SLIT1: variants seen among roughly 807,000 people sequenced by gnomAD.
SLIT1 encodes slit homolog 1 protein.
In SLIT1, 66 loss-of-function variants were observed where a neutral mutation model predicts 186.1. The ratio of observed to expected loss-of-function variants is 0.35; its 90% CI spans 0.29 to 0.44. The LOEUF is 0.44. SLIT1 is among the 20% of genes least tolerant of loss of function. The probability of loss-of-function intolerance (pLI) is 1.00; values close to 1 mark genes in which losing one functional copy is unlikely to be tolerated. For missense variants in SLIT1, 1,638 were observed against 2,037.4 expected (o/e 0.80, Z 3.77); for synonymous variants, 761 against 833.8 (o/e 0.91, Z 1.50).
intron 1 of SLIT1, among the ~76,000 whole-genome samples, chr10:97,180,941 C>G (rs1301657220): frequency 6.6e-6 from 1 of 152,184 alleles, no homozygotes; most frequent in African/African-American, 2.4e-5. Context: ...AGTGAGTGCA[C>G]AGGCCCTTTG....
intron 4 of SLIT1, among the ~76,000 whole-genome samples, chr10:97,097,807 G>A (rs1322508980): frequency 6.6e-6 from 1 of 152,092 alleles, no homozygotes; most frequent in Non-Finnish European, 1.5e-5. Flanking sequence ...ACTATTCCAG[G>A]AAGGCCTTCC....
chr10:97,002,090 AGAGTC>A, intron 36 of SLIT1, 63 bp downstream of exon 36: 4 of 1,030,560 alleles, frequency 3.9e-6, no homozygotes, highest in Non-Finnish European at 5.5e-6. Context: ...ACTGGGAGGA[AGAGTC>A]AAATTGCTAA....
At position 97,006,446 on chromosome 10, in the gene SLIT1, C is replaced by G; in HGVS notation, c.3579+37G>C. 1 of 1,504,742 alleles carries G rather than the reference C, an allele frequency of 6.6e-7. No individual in the cohort carries two copies. Among genetic ancestry groups the G allele is most frequent in the Non-Finnish European group, 9.2e-7 (1 of 1,082,180 alleles). 93.2% of individuals were successfully genotyped at this position (1,504,742 alleles called of 1,614,324 possible). A position where few individuals can be genotyped will look rare whatever the true frequency, so the allele number is the denominator to read the frequency against. Reference sequence around the variant, plus strand: ...GGCCTAAGCCAGGGTCGCCTGCTCCCTGACTCCCCTCTGTGACCAAGCCCC... The same window carrying G: ...GGCCTAAGCCAGGGTCGCCTGCTCCGTGACTCCCCTCTGTGACCAAGCCCC... On this transcript the variant is annotated intron_variant, in intron 32 of 36. Transcript: ENST00000266058. The surrounding 1 kb of genome is among the most constrained non-coding windows in gnomAD (Gnocchi z 4.0).
chr10:97,026,849 C>T (rs1328776958), intron 25 of SLIT1, among the ~76,000 whole-genome samples: 3 of 151,722 alleles, frequency 2.0e-5, no homozygotes, highest in African/African-American at 7.2e-5. Flanking sequence ...CATGTGTGAA[C>T]CATGTGAGAC....
rs751115270 is a variant in SLIT1 at position 97,047,962 on chromosome 10, C to G, written c.1489+11G>C. ...CCGCCAGGCTGGCCTTGGATCCCCC[C>G]ACTCTCCTACCTGGAATGAAGTACT... On this transcript the variant is annotated intron_variant, in intron 15 of 36. Transcript: ENST00000266058. 4.3e-6 allele frequency: 7 copies of G among 1,614,154 alleles called. No individual in the cohort carries two copies. Among genetic ancestry groups the G allele is most frequent in the East Asian group, 4.5e-5 (2 of 44,886 alleles).
Position 97,118,103 on chromosome 10 carries a change from G to A in SLIT1, c.413+39715C>T, listed in dbSNP as rs545622811. 1.9e-4 allele frequency among the ~76,000 whole-genome samples: 21 copies of A among 110,976 alleles called. No homozygotes were observed. In the East Asian group the frequency reaches 5.7e-3, roughly 30 times the overall value. The allele number at this position is 110,976 out of a possible 152,430, so 72.8% of individuals were successfully genotyped here. On this transcript the variant is annotated intron_variant, in intron 4 of 36. Transcript: ENST00000266058. ...CTTTATTAAATTGAGACGTTCTGAG[G>A]TGTCTGGCCCCATCACAGTACGCTC...
intron 1 of SLIT1, among the ~76,000 whole-genome samples, chr10:97,166,989 G>A (rs892562075): frequency 1.2e-4 from 19 of 152,176 alleles, no homozygotes; most frequent in East Asian, 3.9e-4. Flanking sequence ...GCATCCTCCC[G>A]CTGTCTGTCC....
At chr10:97,131,048 T>G (rs962273279) in intron 4 of SLIT1, among the ~76,000 whole-genome samples, 1 of 152,152 alleles carries the variant, frequency 6.6e-6, no homozygotes, top group Non-Finnish European at 1.5e-5. Flanking sequence ...ACAGAGCCTG[T>G]GGGGCCCAAG....
intron 4 of SLIT1, among the ~76,000 whole-genome samples, chr10:97,086,173 T>C (rs541061099): frequency 1.3e-5 from 2 of 152,370 alleles, no homozygotes; most frequent in Admixed American, 1.3e-4. Context: ...GCAGCTTTAT[T>C]CCTAACTGCT....
At chr10:97,141,701 C>CGTATCGTATT (rs1849763198) in intron 4 of SLIT1, among the ~76,000 whole-genome samples, 3 of 96,354 alleles carry the variant, frequency 3.1e-5, no homozygotes, top group African/African-American at 6.3e-5. Context: ...CGTATCGTAT[C>CGTATCGTATT]GTATTGTATT....
At chr10:97,008,957 G>A (rs964413904) in intron 31 of SLIT1, among the ~76,000 whole-genome samples, 1 of 151,802 alleles carries the variant, frequency 6.6e-6, no homozygotes, top group African/African-American at 2.4e-5. Flanking sequence ...TCGGCTCACT[G>A]CAAGCTCTGC....
At chr10:97,066,163 G>T in intron 4 of SLIT1, 77 bp from the exon 5 acceptor site, 1 of 1,216,164 alleles carries the variant, frequency 8.2e-7, no homozygotes, top group Non-Finnish European at 1.2e-6. Flanking sequence ...ATAAGTCAGG[G>T]AAGCAGGGCA....
At chr10:97,121,610 G>A (rs914138474) in intron 4 of SLIT1, among the ~76,000 whole-genome samples, 11 of 152,158 alleles carry the variant, frequency 7.2e-5, no homozygotes, top group Non-Finnish European at 1.2e-4. Context: ...GCCAAGATCC[G>A]AACCCAAGTC....
chr10:97,082,104 G>A (rs1849111145), intron 4 of SLIT1, among the ~76,000 whole-genome samples: 1 of 152,260 alleles, frequency 6.6e-6, no homozygotes, highest in Admixed American at 6.5e-5. Context: ...TCTATATGGG[G>A]TGAAGCTGAA....
intron 18 of SLIT1, among the ~76,000 whole-genome samples, chr10:97,044,231 C>T (rs768732899): frequency 2.0e-5 from 3 of 152,062 alleles, no homozygotes; most frequent in Non-Finnish European, 2.9e-5. Context: ...CTTGTCTCTA[C>T]AAAAAAATTT....
At chr10:97,011,555 C>A (rs775317412) in intron 30 of SLIT1, among the ~76,000 whole-genome samples, 1 of 152,144 alleles carries the variant, frequency 6.6e-6, no homozygotes, top group East Asian at 1.9e-4. Flanking sequence ...CAGGCTCCCC[C>A]ACTCCTCTTT....
intron 4 of SLIT1, among the ~76,000 whole-genome samples, chr10:97,099,157 G>C (rs2134669058): frequency 6.7e-6 from 1 of 149,126 alleles, no homozygotes; most frequent in East Asian, 2.1e-4. Context: ...AGTTTGGGGG[G>C]ATGCTGTGAC....
chr10:97,006,616 G>T lies in SLIT1; in HGVS notation c.3446C>A (p.Pro1149His). Residue 1149 changes from proline (P) to histidine (H), a missense_variant, in exon 32 of 37, where the codon CCT becomes CAT. Coordinates refer to ENST00000266058, the MANE Select transcript of SLIT1 (RefSeq NM_003061.3). The surrounding 1 kb of genome is among the most constrained non-coding windows in gnomAD (Gnocchi z 4.0). ...GAAGCCTGGGAGGCACTGGCACACA[G>T]GCCTGTTGCCCTGGTCCACACAGTT... is the stretch of plus-strand genomic sequence containing the variant. ...GANCVDQGNR[P>H]VCQCLPGFGG... 1.5e-5 allele frequency: 25 copies of T among 1,614,206 alleles called. No individual in the cohort carries two copies. Among genetic ancestry groups the T allele is most frequent in the Non-Finnish European group, 2.1e-5 (25 of 1,180,012 alleles).
chr10:97,139,133 G>A (rs1430493141), intron 4 of SLIT1, among the ~76,000 whole-genome samples: 1 of 152,216 alleles, frequency 6.6e-6, no homozygotes, highest in African/African-American at 2.4e-5. Flanking sequence ...AAGTCAGCGG[G>A]AGTGAGGCTG....
Sources: gnomAD v4.1 joint callset for allele counts (sites outside exome capture counted in the v4.1 genomes callset) on GRCh38, gnomAD v4.1.1 for gene constraint, Gnocchi (gnomAD v3.1) non-coding constraint, MANE v1.5 for transcripts, NCBI Gene and HGNC (gene_info 2026-07-23, HGNC 2026-07-21) for gene names.